NELL1: variants seen among roughly 807,000 people sequenced by gnomAD.
NELL1 encodes the protein neural EGFL like 1.
Under a neutral mutation model 107.4 loss-of-function variants are expected in NELL1, and 76 were observed. That is an observed-to-expected ratio of 0.71 (90% CI 0.59 to 0.86). The LOEUF (loss-of-function observed/expected upper bound fraction) is 0.86. Ranked by LOEUF, NELL1 falls within the 40% of genes least tolerant of loss-of-function variation. The pLI, the probability that NELL1 is intolerant of heterozygous loss-of-function variation, is 0.00. For missense variants in NELL1, 1,024 were observed against 1,005.5 expected, an observed-to-expected ratio of 1.02 and a Z score of -0.25; for synonymous variants, 353 against 341.2, an observed-to-expected ratio of 1.03 and a Z score of -0.38.
chr11:20,880,641 C>T (rs1041319287), intron 4 of NELL1, among the ~76,000 whole-genome samples: 2 of 152,098 alleles, frequency 1.3e-5, no homozygotes, highest in African/African-American at 2.4e-5. Flanking sequence ...TTTTTCAGTG[C>T]GGTATATTTT....
chr11:21,057,594 A>G (rs1158903182), intron 12 of NELL1, among the ~76,000 whole-genome samples: 1 of 152,020 alleles, frequency 6.6e-6, no homozygotes, highest in African/African-American at 2.4e-5. Flanking sequence ...TATCCATACA[A>G]TTAAAAAGTA....
intron 14 of NELL1, among the ~76,000 whole-genome samples, chr11:21,233,352 T>G (rs945496830): frequency 6.6e-6 from 1 of 152,208 alleles, no homozygotes; most frequent in Non-Finnish European, 1.5e-5. Context: ...CTGATTTAAC[T>G]CAACTAGTGG....
intron 3 of NELL1, among the ~76,000 whole-genome samples, chr11:20,827,682 G>A (rs1467586257): frequency 2.0e-5 from 3 of 151,268 alleles, no homozygotes; most frequent in African/African-American, 7.3e-5. Context: ...TTCATTGTCC[G>A]GAACTCAAGC....
rs543178108 is a variant in NELL1, at chr11:21,166,264, G to A, written c.1426+52550G>A. ...TGGAGGAGTGGGGGTGAGAAAAGGG[G>A]ATGGTTATATTAATGGGTACAAAAA... On this transcript the variant is annotated intron_variant, in intron 13 of 19. Transcript: ENST00000357134. Among the ~76,000 whole-genome samples the A allele has an allele frequency of 9.3e-4, 141 of 151,756 alleles. 1 individual carries two copies. The highest frequency in any genetic ancestry group is 3.4e-3 in the African/African-American group (139 of 41,120).
At chr11:20,704,230 G>T (rs1035422830) in intron 2 of NELL1, among the ~76,000 whole-genome samples, 3 of 152,178 alleles carry the variant, frequency 2.0e-5, no homozygotes, top group Admixed American at 1.3e-4. Context: ...AGCTCTTCTT[G>T]TTGAATTGAT....
chr11:20,832,276 G>A (rs1236485092), intron 3 of NELL1, among the ~76,000 whole-genome samples: 2 of 152,202 alleles, frequency 1.3e-5, no homozygotes, highest in Non-Finnish European at 2.9e-5. Context: ...TGTTTAGCCT[G>A]GGCTTTTCAT....
chr11:21,140,086 A>C (rs1855833142), intron 13 of NELL1, among the ~76,000 whole-genome samples: 1 of 152,048 alleles, frequency 6.6e-6, no homozygotes, highest in South Asian at 2.1e-4. Flanking sequence ...CAGCTTGTAT[A>C]CTCACTTCTG....
At chr11:21,283,955 A>T (rs952939232) in intron 14 of NELL1, 1 of 330,254 alleles carries the variant, frequency 3.0e-6, no homozygotes, top group Admixed American at 4.0e-5. Context: ...CACAGTGACT[A>T]TGATTCCTGG....
intron 2 of NELL1, among the ~76,000 whole-genome samples, chr11:20,777,384 G>A (rs1029605769): frequency 7.2e-5 from 11 of 152,212 alleles, no homozygotes; most frequent in African/African-American, 2.4e-4. Flanking sequence ...GAGGTTTAAT[G>A]GAATATTATT....
intron 16 of NELL1, among the ~76,000 whole-genome samples, chr11:21,551,196 C>G (rs1856574251): frequency 6.6e-6 from 1 of 151,876 alleles, no homozygotes; most frequent in South Asian, 2.1e-4. Context: ...GATTTTGTAT[C>G]CTGAGACTTT....
chr11:21,438,798 G>GT (rs1265977899), intron 15 of NELL1, among the ~76,000 whole-genome samples: 2 of 151,454 alleles, frequency 1.3e-5, no homozygotes, highest in African/African-American at 2.4e-5. Context: ...TGGGATTTCT[G>GT]TTTTTTTCTA....
Position 20,781,663 on chromosome 11 carries a change from A to T in NELL1, c.185-2017A>T, listed in dbSNP as rs1219080725. Among the ~76,000 whole-genome samples the T allele has an allele frequency of 3.9e-5, 6 of 152,164 alleles. No individual in the cohort carries two copies. The South Asian group carries it at 1.2e-3, about 31-fold the overall frequency. On this transcript the variant is annotated intron_variant, in intron 2 of 19. Coordinates refer to ENST00000357134, the MANE Select transcript of NELL1 (RefSeq NM_006157.5). ...GAAGAAAAAAGTAAAAAGTAAACAT[A>T]TAACTTAATTTTAAGACTTGAATTT...
chr11:20,910,204 G>T (rs888277579), intron 5 of NELL1, among the ~76,000 whole-genome samples: 1 of 152,156 alleles, frequency 6.6e-6, no homozygotes, highest in African/African-American at 2.4e-5. Context: ...GCCTGGGCTT[G>T]TTCCCGTGGT....
chr11:20,973,338 C>A (rs1466953212), intron 12 of NELL1, among the ~76,000 whole-genome samples: 1 of 152,078 alleles, frequency 6.6e-6, no homozygotes, highest in Admixed American at 6.6e-5. Context: ...AAACTCCTGA[C>A]CTCAGGTGAT....
chr11:21,414,084 T>G (rs551394815), intron 15 of NELL1, among the ~76,000 whole-genome samples: 1 of 152,188 alleles, frequency 6.6e-6, no homozygotes, highest in South Asian at 2.1e-4. Flanking sequence ...ATTCATGAAC[T>G]TGAGCTACTG....
intron 15 of NELL1, among the ~76,000 whole-genome samples, chr11:21,491,851 G>A (rs1854826366): frequency 1.3e-5 from 2 of 152,018 alleles, no homozygotes; most frequent in Non-Finnish European, 2.9e-5. Flanking sequence ...TCTTCCATTT[G>A]TTTGTATCCT....
Position 21,570,832 on chromosome 11 carries a change from C to T in NELL1, c.2049C>T (p.Cys683=). The change falls in exon 18 of 20, where the codon TGC becomes TGT. Residue 683 remains cysteine (C), a synonymous_variant. Transcript: ENST00000357134. The part of the protein sequence containing the change: ...CQNPSADLFC[C]PECDTRVTSQ... ...ATCCAAGTGCTGACCTATTCTGTTGCCCAGAATGTGACACCAGAGTCACAA... is the reference window on the plus strand; with the variant it reads ...ATCCAAGTGCTGACCTATTCTGTTGTCCAGAATGTGACACCAGAGTCACAA... 1.2e-6 allele frequency: 2 copies of T among 1,611,872 alleles called. No homozygotes were observed. The highest frequency in any genetic ancestry group is 1.1e-5 in the South Asian group (1 of 91,008).
At chr11:21,061,846 G>A (rs868295224) in intron 12 of NELL1, among the ~76,000 whole-genome samples, 1 of 152,142 alleles carries the variant, frequency 6.6e-6, no homozygotes, top group African/African-American at 2.4e-5. Context: ...CATTAACTGA[G>A]CCATGTTTTA....
At chr11:20,909,816 T>C (rs1421116689) in intron 5 of NELL1, among the ~76,000 whole-genome samples, 2 of 152,114 alleles carry the variant, frequency 1.3e-5, no homozygotes, top group Non-Finnish European at 2.9e-5. Flanking sequence ...TTGTTTGAAA[T>C]GTTGTCTTCT....
Sources: gnomAD v4.1 joint callset for allele counts (sites outside exome capture counted in the v4.1 genomes callset) on GRCh38, gnomAD v4.1.1 for gene constraint, MANE v1.5 for transcripts, NCBI Gene and HGNC (gene_info 2026-07-23, HGNC 2026-07-21) for gene names.